Variants in FAM153A observed in about 807,000 individuals in gnomAD.
FAM153A encodes the protein protein FAM153A.
A neutral mutation model predicts 48.1 loss-of-function variants in FAM153A; 12 were observed. The ratio of observed to expected loss-of-function variants is 0.25; its 90% confidence interval spans 0.16 to 0.40. The LOEUF is 0.40. Ranked by LOEUF, FAM153A falls within the 10% of genes least tolerant of loss-of-function variation. FAM153A has a pLI of 1.00. For missense variants in FAM153A, 111 were observed against 345.8 expected, an observed-to-expected ratio of 0.32 and a Z score of 5.38; for synonymous variants, 36 against 118.2, an observed-to-expected ratio of 0.30 and a Z score of 4.51.
At chr5:177,781,971 C>G (rs1349501116), upstream of FAM153A, among the ~76,000 whole-genome samples, 1 of 97,702 alleles carries the variant, frequency 1.0e-5, no homozygotes, top group Non-Finnish European at 2.2e-5. Context: ...CCTGGTGATC[C>G]GCCCGCCTCG....
At chr5:177,779,198 T>G (rs1331182752) in intron 1 of FAM153A, among the ~76,000 whole-genome samples, 1 of 150,284 alleles carries the variant, frequency 6.7e-6, no homozygotes, top group Non-Finnish European at 1.5e-5. Flanking sequence ...GCCAAAAGAA[T>G]TGCATGCAAG....
chr5:177,712,526 C>G (rs1334786649), exon 27 of FAM153A: 1 of 151,442 alleles, frequency 6.6e-6, no homozygotes, highest in Non-Finnish European at 1.5e-5. Flanking sequence ...TTCTGAGGGG[C>G]CCCCCCCACC....
chr5:177,737,869 A>T, intron 10 of FAM153A, among the ~76,000 whole-genome samples: 1 of 151,718 alleles, frequency 6.6e-6, no homozygotes, highest in African/African-American at 2.4e-5. Context: ...TGAGGAGATT[A>T]ATTCTATTAA....
chr5:177,700,793 C>T, the FAM153A span, among the ~76,000 whole-genome samples: 1 of 151,946 alleles, frequency 6.6e-6, no homozygotes, highest in Non-Finnish European at 1.5e-5. Context: ...CAGAGCAAGA[C>T]TCTGTCTCAA....
At chr5:177,719,061 T>G (rs1346400559), downstream of FAM153A, among the ~76,000 whole-genome samples, 1 of 151,284 alleles carries the variant, frequency 6.6e-6, no homozygotes, top group African/African-American at 2.4e-5. Flanking sequence ...TTGTATTTTT[T>G]TTTGTAGAAA....
downstream of FAM153A, chr5:177,721,984 C>A (rs138740729): frequency 6.6e-6 from 1 of 151,088 alleles, no homozygotes; most frequent in South Asian, 2.1e-4. Context: ...ATCAAAATTA[C>A]AAAAACTTAA....
upstream of FAM153A, among the ~76,000 whole-genome samples, chr5:177,755,030 C>G (rs1387849685): frequency 6.6e-6 from 1 of 151,822 alleles, no homozygotes; most frequent in Non-Finnish European, 1.5e-5. Flanking sequence ...GATGATCAAA[C>G]TTCTCTGAGC....
intron 1 of FAM153A, among the ~76,000 whole-genome samples, chr5:177,760,888 T>G (rs1390099842): frequency 7.1e-6 from 1 of 140,130 alleles, no homozygotes; most frequent in African/African-American, 2.7e-5. Flanking sequence ...CTGTGATTAT[T>G]TTTAAATAAA....
At chr5:177,695,586 AGATT>A in the FAM153A span, among the ~76,000 whole-genome samples, 2 of 152,284 alleles carry the variant, frequency 1.3e-5, no homozygotes, top group Non-Finnish European at 2.9e-5. Context: ...GTAAGGTTAT[AGATT>A]AACAGCATCC....
chr5:177,708,663 T>C (rs982444055), downstream of FAM153A, among the ~76,000 whole-genome samples: 7 of 152,156 alleles, frequency 4.6e-5, no homozygotes, highest in South Asian at 4.1e-4. Flanking sequence ...TCTTTTCATT[T>C]TATGTATGTT....
At chr5:177,728,486 A>G (rs1478161525) in intron 18 of FAM153A, among the ~76,000 whole-genome samples, 3 of 146,700 alleles carry the variant, frequency 2.0e-5, no homozygotes, top group Non-Finnish European at 3.0e-5. Flanking sequence ...CCCACCTTAC[A>G]TGACACTGCT....
At chr5:177,755,446 C>A (rs1320970976), upstream of FAM153A, among the ~76,000 whole-genome samples, 1 of 151,810 alleles carries the variant, frequency 6.6e-6, no homozygotes, top group Non-Finnish European at 1.5e-5. Flanking sequence ...CCCAATCGAG[C>A]AAGGCAGGCC....
chr5:177,716,368 A>G (rs1759793707), exon 25 of FAM153A: 1 of 151,974 alleles, frequency 6.6e-6, no homozygotes, highest in Non-Finnish European at 1.5e-5. Context: ...CAATCTTCAA[A>G]AGAATTTTAG....
upstream of FAM153A, among the ~76,000 whole-genome samples, chr5:177,781,421 C>CTCACGGTATTTTTTGA (rs1207975300): frequency 3.4e-3 from 207 of 60,812 alleles, 1 homozygote; most frequent in Admixed American, 4.9e-3. Flanking sequence ...GCGCCCAGCC[C>CTCACGGTATTTTTTGA]TAAAATTTTT....
chr5:177,704,987 C>T (rs28868929), downstream of FAM153A, among the ~76,000 whole-genome samples: 207 of 147,268 alleles, frequency 1.4e-3, 1 homozygote, highest in Middle Eastern at 7.0e-3. Context: ...GGTGACAGAG[C>T]GAGACTCCAT....
downstream of FAM153A, among the ~76,000 whole-genome samples, chr5:177,710,189 T>A (rs1162295917): frequency 6.6e-6 from 1 of 151,238 alleles, no homozygotes; most frequent in Non-Finnish European, 1.5e-5. Context: ...CTCGGCTCAC[T>A]GCAACCTTCT....
intron 1 of FAM153A, among the ~76,000 whole-genome samples, chr5:177,763,924 G>A (rs567552972): frequency 6.6e-6 from 1 of 151,738 alleles, no homozygotes; most frequent in East Asian, 1.9e-4. Flanking sequence ...ATAGCTTGGA[G>A]TGTTTGGACT....
At chr5:177,750,892 C>A (rs1481570250) in intron 2 of FAM153A, 3 of 1,362,042 alleles carry the variant, frequency 2.2e-6, no homozygotes, top group Non-Finnish European at 2.9e-6. Flanking sequence ...AACTGAATGA[C>A]TGAATTTCCA....
At chr5:177,707,705 A>T (rs1484204979), downstream of FAM153A, among the ~76,000 whole-genome samples, 1 of 151,598 alleles carries the variant, frequency 6.6e-6, no homozygotes, top group Non-Finnish European at 1.5e-5. Flanking sequence ...GATTACAGTC[A>T]TGCGCCACCA....
Sources: allele counts gnomAD v4.1 joint callset (sites outside exome capture counted in the v4.1 genomes callset), GRCh38; gene constraint gnomAD v4.1.1; transcripts MANE v1.5; gene names NCBI Gene and HGNC (gene_info 2026-07-23, HGNC 2026-07-21).